Variants in ANXA8 observed in about 807,000 individuals in gnomAD.
ANXA8 encodes the protein VAC-beta.
ANXA8 carries 9 observed loss-of-function variants against 26.8 expected under a neutral mutation model. The observed-to-expected ratio is 0.34, with a 90% confidence interval of 0.20 to 0.59. The LOEUF is 0.59. Among genes scored for constraint, ANXA8 ranks in the 20% least tolerant of loss-of-function variants. The probability of loss-of-function intolerance (pLI) is 0.84; values close to 1 mark genes in which losing one functional copy is unlikely to be tolerated. For synonymous variants in ANXA8, 39 were observed against 94.8 expected (o/e 0.41, Z 3.42); for missense variants, 83 against 238.5 (o/e 0.35, Z 4.29).
chr10:47,743,263 TAC>T, the ANXA8 span, among the ~76,000 whole-genome samples: 4,895 of 115,148 alleles, frequency 0.043, 271 homozygotes, highest in African/African-American at 0.1. Context: ...TATATATATA[TAC>T]ATATATATAT....
chr10:47,953,747 T>C, the ANXA8 span, among the ~76,000 whole-genome samples: 1 of 150,498 alleles, frequency 6.6e-6, no homozygotes, highest in African/African-American at 2.5e-5. Flanking sequence ...GAATAGACGC[T>C]TCTCAAAAGA....
At chr10:47,954,700 A>G in the ANXA8 span, among the ~76,000 whole-genome samples, 1 of 32,984 alleles carries the variant, frequency 3.0e-5, no homozygotes, top group Admixed American at 2.8e-4. Context: ...CCATAAAAAT[A>G]AAAAAAAAAC....
At chr10:47,894,874 CT>C in the ANXA8 span, among the ~76,000 whole-genome samples, 16 of 152,174 alleles carry the variant, frequency 1.1e-4, no homozygotes, top group Non-Finnish European at 1.6e-4. Context: ...CTCACATACC[CT>C]ACACAATACA....
chr10:47,485,950 T>C (rs1277858795), upstream of ANXA8, among the ~76,000 whole-genome samples: 5 of 151,780 alleles, frequency 3.3e-5, no homozygotes, highest in Admixed American at 1.3e-4. Flanking sequence ...CTACTAAAAA[T>C]ACAAAAAATT....
the ANXA8 span, among the ~76,000 whole-genome samples, chr10:47,778,899 TTATGATATGATATGA>T: frequency 2.1e-4 from 30 of 145,758 alleles, no homozygotes; most frequent in African/African-American, 6.8e-4. Context: ...TCTGCCTACA[TTATGATATGATATGA>T]TATGATATGA....
At chr10:47,651,179 G>T in the ANXA8 span, among the ~76,000 whole-genome samples, 1 of 151,058 alleles carries the variant, frequency 6.6e-6, no homozygotes, top group Admixed American at 6.6e-5. Flanking sequence ...CAGCCTGGGC[G>T]GCAGAGCAAG....
chr10:47,474,177 G>A (rs1839417718), intron 8 of ANXA8, 112 bp from the exon 9 acceptor site: 1 of 583,648 alleles, frequency 1.7e-6, no homozygotes, highest in Non-Finnish European at 3.0e-6. Context: ...ACTGGTGGCT[G>A]GGGAAACAGT....
At chr10:47,501,519 C>A in the ANXA8 span, among the ~76,000 whole-genome samples, 1 of 135,566 alleles carries the variant, frequency 7.4e-6, no homozygotes, top group Non-Finnish European at 1.6e-5. Flanking sequence ...ACCATCCTGG[C>A]TAACATGGTG....
chr10:47,667,129 T>C, the ANXA8 span, among the ~76,000 whole-genome samples: 1 of 152,066 alleles, frequency 6.6e-6, no homozygotes, highest in Non-Finnish European at 1.5e-5. Context: ...TCCTTGGAAT[T>C]CTCTTTTCTT....
chr10:47,502,010 G>T, the ANXA8 span: 1 of 1,375,432 alleles, frequency 7.3e-7, no homozygotes. Flanking sequence ...TTGAAATTCT[G>T]AGTTATCCTT....
At chr10:47,594,600 A>G in the ANXA8 span, among the ~76,000 whole-genome samples, 38 of 146,066 alleles carry the variant, frequency 2.6e-4, no homozygotes, top group East Asian at 6.8e-3. Flanking sequence ...TGAAAAATTC[A>G]CTAAATAAAT....
chr10:47,495,930 G>A, the ANXA8 span, among the ~76,000 whole-genome samples: 1 of 151,602 alleles, frequency 6.6e-6, no homozygotes, highest in East Asian at 1.9e-4. Context: ...AATGAAGAAG[G>A]AGCAGGTGGT....
At chr10:47,974,811 T>A in the ANXA8 span, among the ~76,000 whole-genome samples, 3 of 149,746 alleles carry the variant, frequency 2.0e-5, 1 homozygote, top group African/African-American at 7.3e-5. Context: ...GCTTTATGAC[T>A]CAGCATATGG....
At chr10:47,498,938 C>T in the ANXA8 span, among the ~76,000 whole-genome samples, 1 of 121,174 alleles carries the variant, frequency 8.3e-6, no homozygotes, top group Non-Finnish European at 1.6e-5. Flanking sequence ...CTCGTCTCTA[C>T]TAAAAATACA....
At chr10:47,559,651 T>G in the ANXA8 span, among the ~76,000 whole-genome samples, 1 of 151,902 alleles carries the variant, frequency 6.6e-6, no homozygotes, top group East Asian at 1.9e-4. Flanking sequence ...TTTTTCAGAT[T>G]AACAGTTTAG....
chr10:47,497,274 G>A, the ANXA8 span, among the ~76,000 whole-genome samples: 7 of 126,454 alleles, frequency 5.5e-5, 1 homozygote, highest in Admixed American at 4.3e-4. Context: ...AGCTGAGATC[G>A]TGCCATTGCA....
chr10:47,587,203 C>A, the ANXA8 span, among the ~76,000 whole-genome samples: 109 of 126,630 alleles, frequency 8.6e-4, no homozygotes, highest in African/African-American at 1.2e-3. Context: ...GACTCTGTCT[C>A]AAAAAAAAAA....
chr10:47,665,574 A>G, the ANXA8 span, among the ~76,000 whole-genome samples: 5 of 149,814 alleles, frequency 3.3e-5, no homozygotes, highest in Non-Finnish European at 7.3e-5. Context: ...GTACTGTGTT[A>G]TATGCTGTTT....
upstream of ANXA8, among the ~76,000 whole-genome samples, chr10:47,485,437 A>G (rs1288137481): frequency 6.6e-6 from 1 of 151,960 alleles, no homozygotes; most frequent in Non-Finnish European, 1.5e-5. Context: ...CCAAACCAGG[A>G]TATAAGGTTC....
Sources: gnomAD v4.1 joint callset for allele counts (sites outside exome capture counted in the v4.1 genomes callset) on GRCh38, gnomAD v4.1.1 for gene constraint, MANE v1.5 for transcripts, NCBI Gene and HGNC (gene_info 2026-07-23, HGNC 2026-07-21) for gene names.